Variants in TTC3 observed in about 807,000 individuals in gnomAD.
TTC3 encodes the protein E3 ubiquitin-protein ligase TTC3.
Under a neutral mutation model 249.6 loss-of-function variants are expected in TTC3, and 180 were observed. That is an observed-to-expected ratio of 0.72 (90% confidence interval 0.64 to 0.82). The LOEUF is 0.82. Ranked by LOEUF, TTC3 falls within the 40% of genes least tolerant of loss-of-function variation. The probability of loss-of-function intolerance (pLI) is 0.00; values close to 1 mark genes in which losing one functional copy is unlikely to be tolerated. For missense variants in TTC3, 2,061 were observed against 2,398.4 expected (o/e 0.86, Z 2.94); for synonymous variants, 717 against 805.0 (o/e 0.89, Z 1.85).
Position 37,172,589 on chromosome 21 carries a change from T to C in TTC3, c.4468-6T>C. ...TTTAATAGATTGTTTTGTAATTCAC[T>C]TTTAGGGGGAAATTTCACGGATTGA... On this transcript the variant is annotated splice_region_variant and splice_polypyrimidine_tract_variant and intron_variant, in intron 34 of 45. Transcript: ENST00000355666. 1 of 1,608,754 alleles carries C rather than the reference T, an allele frequency of 6.2e-7. No individual in the cohort carries two copies. Among genetic ancestry groups the C allele is most frequent in the East Asian group, 2.2e-5 (1 of 44,812 alleles).
chr21:37,116,599 A>G (rs2076159398), intron 11 of TTC3, among the ~76,000 whole-genome samples: 1 of 142,668 alleles, frequency 7.0e-6, no homozygotes, highest in African/African-American at 2.5e-5. Flanking sequence ...ACTTGAAGTC[A>G]GGAGTTCCAA....
In TTC3 at chr21:37,149,935, T is replaced by A. The variant is rs2079302193; in HGVS notation, c.2119-143T>A. 6.7e-6 allele frequency: 4 copies of A among 597,560 alleles called. No individual in the cohort carries two copies. In the Admixed American group the frequency reaches 9.6e-5, roughly 14 times the overall value. 37.0% of individuals were successfully genotyped at this position (597,560 alleles called of 1,614,324 possible). On this transcript the variant is annotated intron_variant, in intron 23 of 45. Coordinates refer to ENST00000355666, the Ensembl canonical transcript of TTC3. ...GGAAGCCTTAAAATTCGCATGGCAG[T>A]GAGTAAGGATTTTCACCACTTGCCT...
At chr21:37,129,550 T>G (rs116915784) in intron 16 of TTC3, among the ~76,000 whole-genome samples, 1 of 152,356 alleles carries the variant, frequency 6.6e-6, no homozygotes, top group Non-Finnish European at 1.5e-5. Context: ...GGAAAATCTT[T>G]CCTAATGAAT....
At chr21:37,186,747 C>T (rs2083334879) in intron 37 of TTC3, among the ~76,000 whole-genome samples, 1 of 152,180 alleles carries the variant, frequency 6.6e-6, no homozygotes, top group South Asian at 2.1e-4. Context: ...ATTAATGTCA[C>T]CAGATTGTAC....
At chr21:37,073,581 C>T (rs1171014249) in intron 1 of TTC3, 108 bp downstream of exon 1, 24 of 834,882 alleles carry the variant, frequency 2.9e-5, no homozygotes, top group African/African-American at 5.5e-5. Flanking sequence ...CATTGCCTAC[C>T]CCAGTGGGTT....
chr21:37,095,324 G>A, intron 8 of TTC3, 26 bp from the exon 9 acceptor site: 1 of 1,519,720 alleles, frequency 6.6e-7, no homozygotes, highest in Non-Finnish European at 9.0e-7. Flanking sequence ...GTCATTGATG[G>A]GTCTTCTTTC....
Position 37,170,062 on chromosome 21 carries a change from T to C in TTC3, c.4467+2442T>C, listed in dbSNP as rs199904039. On this transcript the variant is annotated intron_variant, in intron 34 of 45. Coordinates refer to ENST00000355666, the Ensembl canonical transcript of TTC3. ...GTATCCAGGAAAAAAACGGGAAAAA[T>C]TTTTTGTAAGATCAGTAAACAGCAT... Among the ~76,000 whole-genome samples, 24 of 152,072 alleles carry C rather than the reference T, an allele frequency of 1.6e-4. No homozygotes were observed. In the East Asian group the frequency reaches 4.6e-3, roughly 29 times the overall value.
At chr21:37,079,831 G>A (rs950283628) in intron 1 of TTC3, among the ~76,000 whole-genome samples, 2 of 152,010 alleles carry the variant, frequency 1.3e-5, no homozygotes, top group African/African-American at 4.8e-5. Flanking sequence ...ACCGCTCGTG[G>A]TATGGCATTA....
intron 44 of TTC3, among the ~76,000 whole-genome samples, chr21:37,198,414 T>C (rs893875957): frequency 2.6e-5 from 4 of 152,262 alleles, no homozygotes; most frequent in African/African-American, 9.6e-5. Context: ...TGTGTAACCA[T>C]GGCTTTGGAA....
Position 37,092,761 on chromosome 21 carries a change from A to G in TTC3, c.602-1244A>G, listed in dbSNP as rs529832826. 1.1e-4 allele frequency among the ~76,000 whole-genome samples: 17 copies of G among 152,250 alleles called. No individual in the cohort carries two copies. The South Asian group carries it at 3.5e-3, about 32-fold the overall frequency. On this transcript the variant is annotated intron_variant, in intron 7 of 45. Coordinates refer to ENST00000355666, the Ensembl canonical transcript of TTC3. ...GGTGCTCTTTTCACTTTAGAAATGA[A>G]TATGTTTGGCTAGAGGCTTAACTAT...
chr21:37,199,731 G>GTGAGT (rs2085301885), intron 44 of TTC3, among the ~76,000 whole-genome samples: 1 of 152,206 alleles, frequency 6.6e-6, no homozygotes, highest in African/African-American at 2.4e-5. Flanking sequence ...TTATTAAAAA[G>GTGAGT]TGAGTTATAT....
chr21:37,114,353 C>T (rs1156917354), intron 11 of TTC3, among the ~76,000 whole-genome samples: 2 of 151,836 alleles, frequency 1.3e-5, no homozygotes, highest in African/African-American at 4.8e-5. Flanking sequence ...AAAAAAACAA[C>T]CCCATCAAAA....
At chr21:37,200,430 A>G (rs766733086) in intron 45 of TTC3, 106 bp downstream of exon 45, 50 of 1,264,426 alleles carry the variant, frequency 4.0e-5, no homozygotes, top group Non-Finnish European at 5.4e-5. Flanking sequence ...TTGTGCTTTC[A>G]AACTATTTTC....
intron 41 of TTC3, among the ~76,000 whole-genome samples, 162 bp from the exon 42 acceptor site, chr21:37,195,513 G>T (rs2084784300): frequency 6.6e-6 from 1 of 152,336 alleles, no homozygotes; most frequent in Middle Eastern, 3.4e-3. Flanking sequence ...TTATTGTCAA[G>T]AATTCTTTTA....
chr21:37,169,351 G>A (rs184548523), intron 34 of TTC3, among the ~76,000 whole-genome samples: 1 of 152,256 alleles, frequency 6.6e-6, no homozygotes, highest in Admixed American at 6.5e-5. Context: ...ATATGAGAGT[G>A]CCTGGCCAAC....
intron 10 of TTC3, among the ~76,000 whole-genome samples, chr21:37,107,499 A>G (rs2075196400): frequency 6.6e-6 from 1 of 152,186 alleles, no homozygotes; most frequent in African/African-American, 2.4e-5. Flanking sequence ...TTAGTTCTTG[A>G]TAGGTTATGA....
At position 37,116,737 on chromosome 21, in the gene TTC3, A is replaced by G. The variant is rs191239066; in HGVS notation, c.901-5080A>G. ...CAGGAGAATCACTTGAACCCAGGAG[A>G]TGGAGGTTACAGTGAGCTGAGATCA... On this transcript the variant is annotated intron_variant, in intron 11 of 45. Coordinates refer to ENST00000355666, the Ensembl canonical transcript of TTC3. 3.2e-3 allele frequency among the ~76,000 whole-genome samples: 493 copies of G among 152,214 alleles called. 3 individuals carry two copies. The highest frequency in any genetic ancestry group is 5.9e-3 in the Non-Finnish European group (399 of 68,008).
intron 36 of TTC3, among the ~76,000 whole-genome samples, chr21:37,183,328 A>C (rs144082381): frequency 3.3e-4 from 50 of 152,288 alleles, no homozygotes; most frequent in African/African-American, 1.1e-3. Context: ...AAATTATTAA[A>C]ATTTGTCTTG....
At chr21:37,140,913 G>A in intron 20 of TTC3, among the ~76,000 whole-genome samples, 1 of 152,146 alleles carries the variant, frequency 6.6e-6, no homozygotes, top group South Asian at 2.1e-4. Flanking sequence ...ATAGTAATTT[G>A]ACATTAAAGA....
Sources: allele counts gnomAD v4.1 joint callset (sites outside exome capture counted in the v4.1 genomes callset), GRCh38; gene constraint gnomAD v4.1.1; transcripts MANE v1.5; gene names NCBI Gene and HGNC (gene_info 2026-07-23, HGNC 2026-07-21).